ARSF: variants seen among roughly 807,000 people sequenced by gnomAD.
The protein encoded by ARSF is arylsulfatase F.
ARSF carries 33 observed loss-of-function variants against 35.4 expected under a neutral mutation model. The observed-to-expected ratio is 0.93, with a 90% CI of 0.71 to 1.25. ARSF has a LOEUF of 1.25. Among genes scored for constraint, ARSF ranks in the 50% most tolerant of loss-of-function variants. The pLI is 0.00. For missense variants in ARSF, 501 were observed against 480.2 expected, an observed-to-expected ratio of 1.04 and a Z score of -0.40; for synonymous variants, 222 against 193.1, an observed-to-expected ratio of 1.15 and a Z score of -1.24.
At chrX:3,046,959 G>A (rs753723776) in intron 1 of ARSF, among the ~76,000 whole-genome samples, 1 of 109,053 alleles carries the variant, frequency 9.2e-6, no homozygotes, top group South Asian at 4.0e-4. Context: ...GATAGCTGAT[G>A]AGAAAAAAAA....
chrX:3,041,805 G>A (rs1569128975), intron 1 of ARSF, 142 bp downstream of exon 1: 1 of 112,131 alleles, frequency 8.9e-6, no homozygotes, highest in Non-Finnish European at 1.9e-5. Flanking sequence ...CTTTAGCCCT[G>A]AAGTGTCAAA....
chrX:3,068,832 C>T (rs761677707), intron 2 of ARSF, among the ~76,000 whole-genome samples: 1 of 112,049 alleles, frequency 8.9e-6, no homozygotes, highest in South Asian at 3.7e-4. Flanking sequence ...GGCCCACAGT[C>T]CTGAGCATGT....
At chrX:3,108,775 G>A (rs901313942) in intron 9 of ARSF, among the ~76,000 whole-genome samples, 1 of 111,678 alleles carries the variant, frequency 9.0e-6, no homozygotes, top group African/African-American at 3.2e-5. Context: ...CCAGCACTTT[G>A]GGAGGCCAAG....
At chrX:3,087,872 A>G (rs966242480) in intron 6 of ARSF, among the ~76,000 whole-genome samples, 2 of 111,979 alleles carry the variant, frequency 1.8e-5, no homozygotes, top group African/African-American at 3.2e-5. Context: ...AAGTAATTAA[A>G]TCTCCAGAGG....
At chrX:3,045,617 G>A (rs1437954144) in intron 1 of ARSF, among the ~76,000 whole-genome samples, 99 of 103,999 alleles carry the variant, frequency 9.5e-4, no homozygotes, top group Non-Finnish European at 3.7e-4. Flanking sequence ...GTGCAATGGC[G>A]CCATCTCGGC....
intron 7 of ARSF, among the ~76,000 whole-genome samples, chrX:3,095,388 T>C (rs2090332096): frequency 9.2e-6 from 1 of 108,302 alleles, no homozygotes; most frequent in Non-Finnish European, 1.9e-5. Context: ...ATTATAGTTA[T>C]ATTACTTATA....
intron 6 of ARSF, among the ~76,000 whole-genome samples, chrX:3,088,964 G>T (rs1161273866): frequency 9.0e-6 from 1 of 111,452 alleles, no homozygotes; most frequent in African/African-American, 3.3e-5. Context: ...GGAATCATCA[G>T]AATATGGAAA....
intron 1 of ARSF, among the ~76,000 whole-genome samples, chrX:3,060,552 G>A (rs909709873): frequency 1.1e-4 from 12 of 111,318 alleles, no homozygotes; most frequent in Admixed American, 6.8e-4. Context: ...TCGCAAGGAC[G>A]CTAAAAACCT....
At chrX:3,043,489 T>C (rs1171229497) in intron 1 of ARSF, among the ~76,000 whole-genome samples, 1 of 111,720 alleles carries the variant, frequency 9.0e-6, no homozygotes, top group Non-Finnish European at 1.9e-5. Flanking sequence ...CTCAGTGAAA[T>C]TGCAAGAAGT....
chrX:3,087,618 T>A (rs903596442), intron 6 of ARSF, among the ~76,000 whole-genome samples: 6 of 110,423 alleles, frequency 5.4e-5, no homozygotes, highest in Non-Finnish European at 1.1e-4. Context: ...TTAAAATATA[T>A]GGACTTATAT....
chrX:3,066,158 C>T lies in ARSF; in HGVS notation c.-28-1915C>T, dbSNP rs767878970. On this transcript the variant is annotated intron_variant, in intron 1 of 10. Coordinates refer to ENST00000381127, the MANE Select transcript of ARSF (RefSeq NM_001201539.2). The stretch of plus-strand genomic sequence containing the variant: ...TCATACAACAGCATGTTTCATGGAG[C>T]GTTCCATCTCACAAGGTGGTGTTTG... Among the ~76,000 whole-genome samples the T allele has an allele frequency of 3.4e-4, 38 of 111,684 alleles. No individual in the cohort carries two copies. In the South Asian group the frequency reaches 0.014, roughly 42 times the overall value.
At chrX:3,060,551 C>T (rs751731958) in intron 1 of ARSF, among the ~76,000 whole-genome samples, 16 of 111,251 alleles carry the variant, frequency 1.4e-4, no homozygotes, top group East Asian at 5.7e-4. Context: ...ATCGCAAGGA[C>T]GCTAAAAACC....
At chrX:3,111,078 G>C (rs1417886938) in intron 10 of ARSF, among the ~76,000 whole-genome samples, 2 of 110,790 alleles carry the variant, frequency 1.8e-5, no homozygotes, top group East Asian at 5.6e-4. Flanking sequence ...TTGAGAAGAC[G>C]GAAGAAGACA....
intron 7 of ARSF, among the ~76,000 whole-genome samples, chrX:3,096,860 G>A (rs1416716082): frequency 1.8e-5 from 2 of 111,357 alleles, no homozygotes; most frequent in Admixed American, 1.9e-4. Context: ...AGGTATGTGA[G>A]AATGGGATCT....
At chrX:3,060,961 G>A (rs1413165630) in intron 1 of ARSF, among the ~76,000 whole-genome samples, 2 of 111,116 alleles carry the variant, frequency 1.8e-5, no homozygotes, top group Non-Finnish European at 3.8e-5. Context: ...GAAATATAGA[G>A]AAAGCCACAA....
chrX:3,078,827 T>G (rs1603464533), intron 4 of ARSF, among the ~76,000 whole-genome samples: 1 of 111,329 alleles, frequency 9.0e-6, no homozygotes, highest in East Asian at 2.8e-4. Flanking sequence ...AATGTGCTAT[T>G]CAGTAGCATG....
chrX:3,102,683 G>A (rs2090385399), intron 8 of ARSF, among the ~76,000 whole-genome samples: 1 of 112,056 alleles, frequency 8.9e-6, no homozygotes, highest in Non-Finnish European at 1.9e-5. Flanking sequence ...GGGAGGCTGA[G>A]GCAGGCGGAT....
At chrX:3,048,996 C>A (rs1477553216) in intron 1 of ARSF, among the ~76,000 whole-genome samples, 1 of 112,203 alleles carries the variant, frequency 8.9e-6, no homozygotes, top group South Asian at 3.7e-4. Context: ...ATGGGTCTTA[C>A]AGATGCTACC....
At position 3,069,929 on chromosome X, in the gene ARSF, T is replaced by C. The variant is rs2090091600; in HGVS notation, c.11+1818T>C. On this transcript the variant is annotated intron_variant, in intron 2 of 10. Coordinates refer to ENST00000381127, the MANE Select transcript of ARSF (RefSeq NM_001201539.2). ...CACTTTGAGTAGATTTTATCAGTAA[T>C]TTTCAACTCTAAAATACATTCTTAT... Among the ~76,000 whole-genome samples, 4 of 111,802 alleles carry C rather than the reference T, an allele frequency of 3.6e-5. No homozygotes were observed. In the South Asian group the frequency reaches 1.5e-3, roughly 41 times the overall value.
Sources: gnomAD v4.1 joint callset for allele counts (sites outside exome capture counted in the v4.1 genomes callset) on GRCh38, gnomAD v4.1.1 for gene constraint, MANE v1.5 for transcripts, NCBI Gene and HGNC (gene_info 2026-07-23, HGNC 2026-07-21) for gene names.